Variants in GULP1 observed in about 807,000 individuals in gnomAD.
GULP1 encodes the protein PTB domain-containing engulfment adapter protein 1.
GULP1 carries 19 observed loss-of-function variants against 40.9 expected under a neutral mutation model. That is an observed-to-expected ratio of 0.46 (90% CI 0.32 to 0.68). The LOEUF is 0.68. Among genes scored for constraint, GULP1 ranks in the 30% least tolerant of loss-of-function variants. The probability of loss-of-function intolerance (pLI) is 0.03; values close to 1 mark genes in which losing one functional copy is unlikely to be tolerated. For synonymous variants in GULP1, 119 were observed against 117.6 expected, an observed-to-expected ratio of 1.01 and a Z score of -0.08; for missense variants, 312 against 362.2, an observed-to-expected ratio of 0.86 and a Z score of 1.12.
At chr2:188,547,111 A>C (rs757455978) in intron 7 of GULP1, among the ~76,000 whole-genome samples, 16 of 152,016 alleles carry the variant, frequency 1.1e-4, no homozygotes, top group Non-Finnish European at 1.8e-4. Flanking sequence ...AGAATTCTAT[A>C]AAATGTTTAA....
chr2:188,426,639 T>C (rs1353080682), intron 2 of GULP1, among the ~76,000 whole-genome samples: 1 of 152,206 alleles, frequency 6.6e-6, no homozygotes, highest in Non-Finnish European at 1.5e-5. Flanking sequence ...TACAACAGTC[T>C]CTTTTGTTAG....
At position 188,466,272 on chromosome 2, in the gene GULP1, C is replaced by T. The variant is rs10209447; in HGVS notation, c.-44-11387C>T. ...GCACACTTTGTGGTTTTTATTTGAC[C>T]TCAGTGGCTGGTTTTTTTTTCCCCC... On this transcript the variant is annotated intron_variant, in intron 2 of 11. Transcript: ENST00000409830. 2.2e-3 allele frequency among the ~76,000 whole-genome samples: 329 copies of T among 149,956 alleles called. 2 individuals carry two copies. Among genetic ancestry groups the T allele is most frequent in the African/African-American group, 8.0e-3 (316 of 39,692 alleles).
intron 2 of GULP1, among the ~76,000 whole-genome samples, chr2:188,399,260 T>A (rs996266362): frequency 6.6e-6 from 1 of 152,110 alleles, no homozygotes; most frequent in African/African-American, 2.4e-5. Flanking sequence ...CATCTAGAGA[T>A]CAGGAAGTGG....
At chr2:188,564,040 C>T (rs1259993267) in intron 7 of GULP1, among the ~76,000 whole-genome samples, 2 of 151,880 alleles carry the variant, frequency 1.3e-5, no homozygotes, top group Non-Finnish European at 2.9e-5. Context: ...TCAGCAAGTA[C>T]AGAAAAGCCA....
chr2:188,364,997 T>C (rs2046601084), intron 1 of GULP1, among the ~76,000 whole-genome samples: 1 of 151,638 alleles, frequency 6.6e-6, no homozygotes, highest in Admixed American at 6.6e-5. Flanking sequence ...ACTGGAGTGG[T>C]TGGATAATAC....
chr2:188,429,581 G>T (rs186053385), intron 2 of GULP1, among the ~76,000 whole-genome samples: 38 of 152,252 alleles, frequency 2.5e-4, no homozygotes, highest in African/African-American at 7.7e-4. Context: ...TCAAAGCCTT[G>T]CAACTTAACA....
chr2:188,302,222 C>T (rs908803786), intron 1 of GULP1, among the ~76,000 whole-genome samples: 2 of 151,986 alleles, frequency 1.3e-5, no homozygotes, highest in Non-Finnish European at 2.9e-5. Context: ...GTAGATAAGT[C>T]AATCATCTTA....
intron 2 of GULP1, among the ~76,000 whole-genome samples, chr2:188,451,738 T>A (rs1307476233): frequency 6.6e-6 from 1 of 152,116 alleles, no homozygotes; most frequent in African/African-American, 2.4e-5. Flanking sequence ...TATAGTTTAT[T>A]CTTCTCTTTG....
chr2:188,577,608 A>G (rs562910232), intron 9 of GULP1, among the ~76,000 whole-genome samples: 8 of 151,674 alleles, frequency 5.3e-5, no homozygotes, highest in Non-Finnish European at 7.4e-5. Flanking sequence ...TGGTCAAGTC[A>G]TTTAGCCTCT....
At chr2:188,353,890 G>A (rs1412427608) in intron 1 of GULP1, among the ~76,000 whole-genome samples, 1 of 151,922 alleles carries the variant, frequency 6.6e-6, no homozygotes, top group Non-Finnish European at 1.5e-5. Flanking sequence ...GGGAACTGGT[G>A]CCTTGGCCAA....
At chr2:188,587,451 A>T (rs1164450157) in intron 10 of GULP1, among the ~76,000 whole-genome samples, 2 of 152,116 alleles carry the variant, frequency 1.3e-5, no homozygotes, top group Non-Finnish European at 2.9e-5. Context: ...ATATTGCTTT[A>T]CTATTGTGTT....
intron 4 of GULP1, among the ~76,000 whole-genome samples, chr2:188,485,203 G>A (rs1322698017): frequency 6.6e-6 from 1 of 152,032 alleles, no homozygotes; most frequent in Non-Finnish European, 1.5e-5. Context: ...AGATTAAAAG[G>A]TTATATTATA....
intron 2 of GULP1, among the ~76,000 whole-genome samples, chr2:188,393,006 G>A (rs909527070): frequency 1.3e-5 from 2 of 151,968 alleles, no homozygotes; most frequent in African/African-American, 2.4e-5. Flanking sequence ...CCTACCATAT[G>A]GTTTATCTTG....
In GULP1 at chr2:188,555,781, C is replaced by T. The variant is rs116728546; in HGVS notation, c.400-13458C>T. On this transcript the variant is annotated intron_variant, in intron 7 of 11. Coordinates refer to ENST00000409830, the MANE Select transcript of GULP1 (RefSeq NM_016315.4). ...TAGACTTAGAGAGTTTTCATCTAGGCTGGGTGTGGTGGCTTATACCTGTAA... is the reference window on the plus strand; with the variant it reads ...TAGACTTAGAGAGTTTTCATCTAGGTTGGGTGTGGTGGCTTATACCTGTAA... 4.1e-3 allele frequency among the ~76,000 whole-genome samples: 620 copies of T among 152,146 alleles called. 10 individuals carry two copies. Among genetic ancestry groups the T allele is most frequent in the African/African-American group, 0.012 (484 of 41,512 alleles).
chr2:188,372,931 T>A (rs1169180221), intron 1 of GULP1, among the ~76,000 whole-genome samples: 1 of 151,940 alleles, frequency 6.6e-6, no homozygotes, highest in African/African-American at 2.4e-5. Flanking sequence ...AGAGAAAAAA[T>A]TCCCTTCTGC....
chr2:188,432,946 T>G (rs1204733865), intron 2 of GULP1, among the ~76,000 whole-genome samples: 1 of 152,046 alleles, frequency 6.6e-6, no homozygotes, highest in Non-Finnish European at 1.5e-5. Context: ...GGCTATGAGA[T>G]AGTAATATGA....
At chr2:188,459,346 C>T (rs6722581) in intron 2 of GULP1, among the ~76,000 whole-genome samples, 1,796 of 152,186 alleles carry the variant, frequency 0.012, 40 homozygotes, top group African/African-American at 0.04. Context: ...TCCACATTCT[C>T]GCTAGCATTT....
chr2:188,522,946 T>A (rs575790463), intron 5 of GULP1, 119 bp downstream of exon 5: 1 of 600,740 alleles, frequency 1.7e-6, no homozygotes, highest in African/African-American at 1.8e-5. Flanking sequence ...CTATTAAAAA[T>A]GAACTATTGA....
intron 9 of GULP1, among the ~76,000 whole-genome samples, chr2:188,571,101 G>A (rs1698936145): frequency 6.6e-6 from 1 of 152,084 alleles, no homozygotes; most frequent in Middle Eastern, 3.2e-3. Flanking sequence ...TGGCTGCAGT[G>A]ATCCATGATA....
Sources: allele counts gnomAD v4.1 joint callset (sites outside exome capture counted in the v4.1 genomes callset), GRCh38; gene constraint gnomAD v4.1.1; transcripts MANE v1.5; gene names NCBI Gene and HGNC (gene_info 2026-07-23, HGNC 2026-07-21).